PCDHA4: variants seen among roughly 807,000 people sequenced by gnomAD.
PCDHA4 encodes protocadherin alpha-4.
In PCDHA4, 49 loss-of-function variants were observed where a neutral mutation model predicts 61.4. The ratio of observed to expected loss-of-function variants is 0.80; its 90% CI spans 0.63 to 1.01. PCDHA4 has a LOEUF of 1.01. Among genes scored for constraint, PCDHA4 ranks in the 50% least tolerant of loss-of-function variants. The pLI is 0.00. For synonymous variants in PCDHA4, 590 were observed against 550.3 expected (o/e 1.07, Z -1.01); for missense variants, 1,254 against 1,235.8 (o/e 1.01, Z -0.22).
At chr5:140,962,772 T>C (rs1039768584) in intron 1 of PCDHA4, among the ~76,000 whole-genome samples, 2 of 152,336 alleles carry the variant, frequency 1.3e-5, no homozygotes, top group Admixed American at 1.3e-4. Context: ...TTTAACAAGA[T>C]GGAATTTTTA....
intron 2 of PCDHA4, 58 bp from the exon 3 acceptor site, chr5:140,982,417 G>T: frequency 1.2e-6 from 2 of 1,610,546 alleles, no homozygotes; most frequent in Non-Finnish European, 1.7e-6. Flanking sequence ...GAGGGTGGAA[G>T]AAGAGATGGG....
At chr5:140,934,029 T>A (rs1267400545) in intron 1 of PCDHA4, among the ~76,000 whole-genome samples, 1 of 152,114 alleles carries the variant, frequency 6.6e-6, no homozygotes, top group Admixed American at 6.5e-5. Flanking sequence ...GGAAGTAGTT[T>A]ATTAATGATA....
At chr5:140,843,497 C>G (rs1229435401) in intron 1 of PCDHA4, 5 of 1,596,022 alleles carry the variant, frequency 3.1e-6, no homozygotes, top group Non-Finnish European at 4.3e-6. Context: ...GTGCTCAGCA[C>G]TGCCCACTGA....
rs185567567 is a variant in PCDHA4, at chr5:140,888,396, T to C, written c.2385+78824T>C. 3.4e-3 allele frequency among the ~76,000 whole-genome samples: 514 copies of C among 152,282 alleles called. 3 individuals are homozygous for C. The highest frequency in any genetic ancestry group is 0.014 in the Middle Eastern group (4 of 294). On this transcript the variant is annotated intron_variant, in intron 1 of 3. Coordinates refer to ENST00000530339, the MANE Select transcript of PCDHA4 (RefSeq NM_018907.4). The stretch of plus-strand genomic sequence containing the variant: ...AGCTCTGAGATGCTGCTAAACACCA[T>C]CCAATTGCTGCCAAACATCCTACCG...
At chr5:140,922,369 G>A (rs534587109) in intron 1 of PCDHA4, among the ~76,000 whole-genome samples, 1 of 152,320 alleles carries the variant, frequency 6.6e-6, no homozygotes, top group East Asian at 1.9e-4. Context: ...TTCTCACTGA[G>A]ATGCAAAACC....
At chr5:141,005,095 A>T (rs1554259887) in intron 3 of PCDHA4, among the ~76,000 whole-genome samples, 1 of 152,192 alleles carries the variant, frequency 6.6e-6, no homozygotes, top group South Asian at 2.1e-4. Flanking sequence ...CTTTACATGC[A>T]TTACATCATT....
chr5:140,999,786 G>A (rs1050666056), intron 3 of PCDHA4, among the ~76,000 whole-genome samples: 4 of 152,120 alleles, frequency 2.6e-5, no homozygotes, highest in African/African-American at 9.7e-5. Flanking sequence ...CCTAGAAATG[G>A]CAGAGTTATT....
intron 1 of PCDHA4, among the ~76,000 whole-genome samples, chr5:140,953,720 G>C (rs2094928996): frequency 6.6e-6 from 1 of 152,068 alleles, no homozygotes; most frequent in African/African-American, 2.4e-5. Flanking sequence ...CAGACATTGT[G>C]TTTTGAAATT....
At chr5:140,841,904 GT>G (rs1777577070) in intron 1 of PCDHA4, 1 of 1,613,860 alleles carries the variant, frequency 6.2e-7, no homozygotes, top group East Asian at 2.2e-5. Flanking sequence ...GGTTGAGCTC[GT>G]ATTAAGAAAA....
intron 1 of PCDHA4, among the ~76,000 whole-genome samples, chr5:140,945,587 C>A (rs2093812111): frequency 6.6e-6 from 1 of 152,052 alleles, no homozygotes; most frequent in African/African-American, 2.4e-5. Context: ...TCAAAATATA[C>A]TTCAAAGCTA....
chr5:140,977,359 A>G (rs1335405602), intron 1 of PCDHA4, among the ~76,000 whole-genome samples: 6 of 152,212 alleles, frequency 3.9e-5, no homozygotes, highest in Non-Finnish European at 8.8e-5. Context: ...TGATTGATAA[A>G]AAGTATTTTA....
Position 141,012,272 on chromosome 5 carries a change from C to G in PCDHA4, c.*2335C>G, listed in dbSNP as rs186406635. On this transcript the variant is annotated 3_prime_UTR_variant, in exon 4 of 4. Transcript: ENST00000530339. ...TTACAGCTGTAAGGATAAAACACGTCATGTGGATTCATTTTGAATTGGTGC... is the reference window on the plus strand; with the variant it reads ...TTACAGCTGTAAGGATAAAACACGTGATGTGGATTCATTTTGAATTGGTGC... 3.3e-4 allele frequency: 51 copies of G among 153,858 alleles called. No individual in the cohort carries two copies. In the East Asian group the frequency reaches 6.6e-3, roughly 20 times the overall value. 9.5% of individuals were successfully genotyped at this position (153,858 alleles called of 1,614,324 possible). A position where few individuals can be genotyped will look rare whatever the true frequency, so the allele number is the denominator to read the frequency against.
intron 1 of PCDHA4, among the ~76,000 whole-genome samples, chr5:140,910,796 C>T (rs2075173732): frequency 6.6e-6 from 1 of 152,112 alleles, no homozygotes; most frequent in South Asian, 2.1e-4. Flanking sequence ...ATGCAGAATC[C>T]CTGCTTAGTG....
rs112377727 is a variant in PCDHA4, at chr5:140,875,811, G to T, written c.2385+66239G>T. The T allele has an allele frequency of 3.6e-4, 584 of 1,614,186 alleles. 8 individuals are homozygous for T. Among genetic ancestry groups the T allele is most frequent in the South Asian group, 3.4e-3 (314 of 91,084 alleles). On this transcript the variant is annotated intron_variant, in intron 1 of 3. Coordinates refer to ENST00000530339, the MANE Select transcript of PCDHA4 (RefSeq NM_018907.4). ...ACCTGGAGGTGATCGTGGACAGGCC[G>T]CTGCAGGTTTTCCATGTGGACGTGG...
chr5:140,908,256 A>G (rs192899359), intron 1 of PCDHA4, among the ~76,000 whole-genome samples: 9 of 152,248 alleles, frequency 5.9e-5, no homozygotes, highest in Non-Finnish European at 1.0e-4. Flanking sequence ...AACTGATCAT[A>G]GGGAACTCCC....
chr5:140,813,491 A>G (rs1443596304), intron 1 of PCDHA4: 1 of 152,210 alleles, frequency 6.6e-6, no homozygotes, highest in African/African-American at 2.4e-5. Context: ...CTAAACATCT[A>G]AAAGGTACAG....
At chr5:140,854,190 A>G (rs2043033379) in intron 1 of PCDHA4, 1 of 648,948 alleles carries the variant, frequency 1.5e-6, no homozygotes, top group Non-Finnish European at 1.9e-6. Context: ...TAGTTTAACT[A>G]CTCCCTACTT....
chr5:140,876,165 C>A, intron 1 of PCDHA4: 3 of 1,613,944 alleles, frequency 1.9e-6, no homozygotes, highest in Non-Finnish European at 2.5e-6. Flanking sequence ...TTCAAATAAC[C>A]GTCCTGGATG....
chr5:140,890,995 A>C (rs1554184607), intron 1 of PCDHA4, among the ~76,000 whole-genome samples: 2 of 152,138 alleles, frequency 1.3e-5, no homozygotes, highest in Non-Finnish European at 1.5e-5. Context: ...ATTTCATCAT[A>C]ATTATTGAAA....
Sources: allele counts gnomAD v4.1 joint callset (sites outside exome capture counted in the v4.1 genomes callset), GRCh38; gene constraint gnomAD v4.1.1; transcripts MANE v1.5; gene names NCBI Gene and HGNC (gene_info 2026-07-23, HGNC 2026-07-21).